The following UBE2E2 variants were observed in gnomAD, a reference collection of about 807,000 sequenced individuals.
The protein encoded by UBE2E2 is ubiquitin conjugating enzyme E2 E2.
UBE2E2 carries 6 observed loss-of-function variants against 24.7 expected under a neutral mutation model. The ratio of observed to expected loss-of-function variants is 0.24; its 90% CI spans 0.13 to 0.48. UBE2E2 has a LOEUF of 0.48. Ranked by LOEUF, UBE2E2 falls within the 20% of genes least tolerant of loss-of-function variation. The probability of loss-of-function intolerance (pLI) is 0.99; values close to 1 mark genes in which losing one functional copy is unlikely to be tolerated. For synonymous variants in UBE2E2, 104 were observed against 83.6 expected, an observed-to-expected ratio of 1.24 and a Z score of -1.33; for missense variants, 169 against 245.0, an observed-to-expected ratio of 0.69 and a Z score of 2.07.
intron 3 of UBE2E2, among the ~76,000 whole-genome samples, chr3:23,221,426 C>A (rs1696637863): frequency 6.6e-6 from 1 of 152,138 alleles, no homozygotes; most frequent in Non-Finnish European, 1.5e-5. Context: ...ATAATCCATG[C>A]CTTTTAGCAG....
chr3:23,390,448 G>C (rs1405698147), intron 3 of UBE2E2, among the ~76,000 whole-genome samples: 2 of 152,114 alleles, frequency 1.3e-5, no homozygotes, highest in Non-Finnish European at 2.9e-5. Flanking sequence ...CCCCTTTCCA[G>C]CTCCCCTTTT....
At chr3:23,345,951 C>A (rs146170056) in intron 3 of UBE2E2, among the ~76,000 whole-genome samples, 5 of 152,124 alleles carry the variant, frequency 3.3e-5, no homozygotes, top group Admixed American at 6.5e-5. Flanking sequence ...ATCTCACCAA[C>A]GGCAGACAGC....
At chr3:23,499,764 T>A (rs769425243) in intron 4 of UBE2E2, 24 bp downstream of exon 4, 56 of 1,607,894 alleles carry the variant, frequency 3.5e-5, no homozygotes, top group Non-Finnish European at 4.7e-5. Context: ...TTTCATTGAT[T>A]TTTAGCAATA....
intron 3 of UBE2E2, among the ~76,000 whole-genome samples, chr3:23,393,901 C>T (rs562343829): frequency 1.3e-5 from 2 of 152,272 alleles, no homozygotes; most frequent in South Asian, 4.1e-4. Flanking sequence ...CCTACATCTG[C>T]TTTTGTACTA....
intron 3 of UBE2E2, among the ~76,000 whole-genome samples, chr3:23,453,347 G>GT (rs200420807): frequency 0.039 from 5,792 of 148,922 alleles, 144 homozygotes; most frequent in East Asian, 0.13. Context: ...ATTTGTTTCT[G>GT]TTTTTTTTTG....
intron 3 of UBE2E2, among the ~76,000 whole-genome samples, chr3:23,412,684 C>T (rs35408638): frequency 0.064 from 9,784 of 152,088 alleles, 469 homozygotes; most frequent in Non-Finnish European, 0.088. Flanking sequence ...TTCCTCATGC[C>T]TTTATTCAAG....
At chr3:23,287,726 C>T (rs964272070) in intron 3 of UBE2E2, among the ~76,000 whole-genome samples, 5 of 148,088 alleles carry the variant, frequency 3.4e-5, no homozygotes, top group African/African-American at 1.2e-4. Flanking sequence ...TCATAGTGCC[C>T]CTAATGATCC....
At chr3:23,481,141 C>A (rs1699250742) in intron 3 of UBE2E2, among the ~76,000 whole-genome samples, 1 of 152,272 alleles carries the variant, frequency 6.6e-6, no homozygotes, top group Admixed American at 6.5e-5. Context: ...TTAAATTCAT[C>A]AAAGCAAAGA....
chr3:23,397,645 G>A (rs903016423), intron 3 of UBE2E2, among the ~76,000 whole-genome samples: 1 of 152,096 alleles, frequency 6.6e-6, no homozygotes. Context: ...CTACATTTTG[G>A]TGTCTGGCTT....
chr3:23,389,239 G>A (rs1696881268), intron 3 of UBE2E2, among the ~76,000 whole-genome samples: 1 of 152,144 alleles, frequency 6.6e-6, no homozygotes, highest in African/African-American at 2.4e-5. Context: ...CAATCCTGCG[G>A]AGCACCACCT....
At chr3:23,238,294 T>A (rs1306074654) in intron 3 of UBE2E2, among the ~76,000 whole-genome samples, 2 of 152,200 alleles carry the variant, frequency 1.3e-5, no homozygotes, top group Non-Finnish European at 2.9e-5. Flanking sequence ...TGTCACAAGA[T>A]CCGCCACTGT....
intron 4 of UBE2E2, among the ~76,000 whole-genome samples, chr3:23,509,684 C>T (rs1272129344): frequency 1.3e-5 from 2 of 151,826 alleles, no homozygotes; most frequent in African/African-American, 2.4e-5. Context: ...CCCGTTAACT[C>T]GTCCTTTACA....
intron 3 of UBE2E2, among the ~76,000 whole-genome samples, chr3:23,404,402 G>C (rs1697306995): frequency 6.6e-6 from 1 of 152,126 alleles, no homozygotes. Context: ...TTCTGTAACA[G>C]ATATTAGTCA....
chr3:23,514,391 G>A (rs576064212), intron 4 of UBE2E2, among the ~76,000 whole-genome samples: 3 of 152,286 alleles, frequency 2.0e-5, no homozygotes, highest in Non-Finnish European at 2.9e-5. Context: ...TTTAGCCTGT[G>A]TATCCTTAAC....
intron 4 of UBE2E2, among the ~76,000 whole-genome samples, chr3:23,502,134 A>G (rs577465543): frequency 1.3e-5 from 2 of 151,770 alleles, no homozygotes; most frequent in East Asian, 3.9e-4. Context: ...TGATGTAACA[A>G]CTCCATGCCT....
chr3:23,228,044 T>G (rs1357487396), intron 3 of UBE2E2, among the ~76,000 whole-genome samples: 1 of 152,226 alleles, frequency 6.6e-6, no homozygotes, highest in African/African-American at 2.4e-5. Flanking sequence ...TTTGCTGTCA[T>G]GTACCTGTAC....
chr3:23,489,408 A>G (rs778510), intron 3 of UBE2E2, among the ~76,000 whole-genome samples: 91,610 of 151,888 alleles, frequency 0.6, 28,068 homozygotes, highest in East Asian at 0.74. Flanking sequence ...TAGATCCTTC[A>G]CATGTGCACT....
At chr3:23,566,765 A>G (rs1321863792) in intron 5 of UBE2E2, among the ~76,000 whole-genome samples, 1 of 152,170 alleles carries the variant, frequency 6.6e-6, no homozygotes, top group Non-Finnish European at 1.5e-5. Context: ...AACACCTGCC[A>G]CTAGGCCCTA....
intron 3 of UBE2E2, among the ~76,000 whole-genome samples, chr3:23,443,099 G>A (rs528472264): frequency 6.6e-6 from 1 of 152,056 alleles, no homozygotes; most frequent in African/African-American, 2.4e-5. Flanking sequence ...TATCCCTCTC[G>A]TGGCCATTAA....
Sources: gnomAD v4.1 joint callset for allele counts (sites outside exome capture counted in the v4.1 genomes callset) on GRCh38, gnomAD v4.1.1 for gene constraint, MANE v1.5 for transcripts, NCBI Gene and HGNC (gene_info 2026-07-23, HGNC 2026-07-21) for gene names.